The following CACNA1E variants were observed in gnomAD, a reference collection of about 807,000 sequenced individuals.
The protein encoded by CACNA1E is calcium voltage-gated channel subunit alpha1 E.
CACNA1E carries 40 observed loss-of-function variants against 259.2 expected under a neutral mutation model. The observed-to-expected ratio is 0.15, with a 90% confidence interval of 0.12 to 0.20. CACNA1E has a LOEUF of 0.20. Ranked by LOEUF, CACNA1E falls within the 10% of genes least tolerant of loss-of-function variation. The probability of loss-of-function intolerance (pLI) is 1.00; values close to 1 mark genes in which losing one functional copy is unlikely to be tolerated. For synonymous variants in CACNA1E, 1,104 were observed against 1,138.5 expected (o/e 0.97, Z 0.61); for missense variants, 1,874 against 3,040.1 (o/e 0.62, Z 9.02).
intron 2 of CACNA1E, among the ~76,000 whole-genome samples, chr1:181,437,921 T>G (rs1660198009): frequency 6.6e-6 from 1 of 152,242 alleles, no homozygotes; most frequent in African/African-American, 2.4e-5. Context: ...GAAATCCAGC[T>G]GTTCCCTTGA....
intron 3 of CACNA1E, among the ~76,000 whole-genome samples, chr1:181,537,106 T>C (rs1457542380): frequency 1.6e-5 from 2 of 123,388 alleles, no homozygotes; most frequent in African/African-American, 2.9e-5. Context: ...TTTTTTTTTT[T>C]TTTTTTTTTT....
intron 6 of CACNA1E, among the ~76,000 whole-genome samples, chr1:181,611,915 G>A (rs1035570497): frequency 6.6e-6 from 1 of 152,102 alleles, no homozygotes; most frequent in African/African-American, 2.4e-5. Context: ...TTCTAGTTGA[G>A]AATAAACTTT....
intron 7 of CACNA1E, among the ~76,000 whole-genome samples, chr1:181,690,992 C>A (rs1651095494): frequency 6.6e-6 from 1 of 151,952 alleles, no homozygotes. Context: ...CTTTTATATG[C>A]ATTGTGCTCA....
intron 3 of CACNA1E, among the ~76,000 whole-genome samples, chr1:181,574,078 A>G (rs2102950365): frequency 6.6e-6 from 1 of 152,320 alleles, no homozygotes; most frequent in South Asian, 2.1e-4. Flanking sequence ...CTGAATGATG[A>G]GAACACATGG....
intron 1 of CACNA1E, among the ~76,000 whole-genome samples, chr1:181,391,498 T>C (rs1318900396): frequency 6.6e-6 from 1 of 151,792 alleles, no homozygotes; most frequent in African/African-American, 2.4e-5. Context: ...CCATGGTGAG[T>C]CCTGCCTGGG....
chr1:181,719,709 C>G (rs1201291046), intron 12 of CACNA1E, 42 bp from the exon 13 acceptor site: 2 of 1,131,040 alleles, frequency 1.8e-6, no homozygotes, highest in African/African-American at 3.1e-5. Context: ...CCCTCTTCTC[C>G]TCTTCCTCCT....
chr1:181,616,570 T>A (rs1655231157), intron 6 of CACNA1E, among the ~76,000 whole-genome samples: 1 of 152,040 alleles, frequency 6.6e-6, no homozygotes, highest in African/African-American at 2.4e-5. Context: ...GAAAATTAGC[T>A]GGGTGTGGTG....
Position 181,737,530 on chromosome 1 carries a change from G to A in CACNA1E, c.3428G>A (p.Arg1143Gln), listed in dbSNP as rs1656159227. The stretch of plus-strand genomic sequence containing the variant: ...GCCATGCCCACTGCCCGCAGGATCC[G>A]GAGGGCCTGCCACTACATCGTGAAC... ...MFIFSTTNPIRRACHYIVNLR... is the reference protein window; with the variant it reads ...MFIFSTTNPIQRACHYIVNLR... Residue 1143 changes from arginine to glutamine, a missense_variant, in exon 23 of 48, where the codon CGG (arginine) becomes CAG (glutamine). Arg to Gln is a conservative substitution (Grantham distance 43). This residue lies in a region of CACNA1E where 56 missense variants were observed against 97.4 expected (regional missense o/e 0.57). Coordinates refer to ENST00000367573, the MANE Select transcript of CACNA1E (RefSeq NM_001205293.3). The A allele has an allele frequency of 1.2e-6, 2 of 1,613,806 alleles. No homozygotes were observed. The highest frequency in any genetic ancestry group is 1.7e-6 in the Non-Finnish European group (2 of 1,179,762).
intron 6 of CACNA1E, among the ~76,000 whole-genome samples, chr1:181,583,103 T>TAC (rs34193608): frequency 0.24 from 34,816 of 144,606 alleles, 4,067 homozygotes; most frequent in Middle Eastern, 0.28. Context: ...GGACTGTTCC[T>TAC]ACACACACAC....
intron 1 of CACNA1E, among the ~76,000 whole-genome samples, chr1:181,399,187 A>G (rs2102072384): frequency 6.6e-6 from 1 of 151,120 alleles, no homozygotes; most frequent in South Asian, 2.1e-4. Context: ...AGTTACAATT[A>G]GCTTTTCACA....
chr1:181,578,242 AT>A (rs752652797), intron 4 of CACNA1E, among the ~76,000 whole-genome samples: 1 of 152,160 alleles, frequency 6.6e-6, no homozygotes, highest in Non-Finnish European at 1.5e-5. Flanking sequence ...TGAAATAAGT[AT>A]TTTATTTTCC....
intron 32 of CACNA1E, among the ~76,000 whole-genome samples, chr1:181,761,958 G>A (rs1658617708): frequency 6.6e-6 from 1 of 152,188 alleles, no homozygotes; most frequent in Admixed American, 6.5e-5. Flanking sequence ...GAAAGATGAA[G>A]TCTATTTATC....
intron 1 of CACNA1E, among the ~76,000 whole-genome samples, chr1:181,390,640 G>T (rs187918478): frequency 1.3e-5 from 2 of 152,246 alleles, no homozygotes; most frequent in East Asian, 1.9e-4. Flanking sequence ...GTAGTACGAG[G>T]CTTGAGCCTG....
chr1:181,546,711 G>T (rs1172826123), intron 3 of CACNA1E, among the ~76,000 whole-genome samples: 2 of 152,200 alleles, frequency 1.3e-5, no homozygotes, highest in Non-Finnish European at 2.9e-5. Context: ...CGTGCAGACA[G>T]TGCACATTCA....
chr1:181,757,873 G>C (rs904214182), intron 30 of CACNA1E, 74 bp from the exon 31 acceptor site: 1 of 1,516,100 alleles, frequency 6.6e-7, no homozygotes, highest in African/African-American at 1.4e-5. Context: ...CTCCTCTTCT[G>C]AGCATGGAAC....
intron 6 of CACNA1E, among the ~76,000 whole-genome samples, chr1:181,638,157 C>A (rs138251673): frequency 6.6e-6 from 1 of 152,208 alleles, no homozygotes; most frequent in South Asian, 2.1e-4. Flanking sequence ...ATCACTTGCC[C>A]CACTTTACAA....
chr1:181,448,740 A>T (rs1299809062), intron 2 of CACNA1E, among the ~76,000 whole-genome samples: 2 of 152,196 alleles, frequency 1.3e-5, no homozygotes, highest in Non-Finnish European at 2.9e-5. Context: ...AAGTCAACTA[A>T]GTGGCTTAAA....
In CACNA1E at chr1:181,801,408, G is replaced by T. The variant is rs958827033; in HGVS notation, c.*2574G>T. On this transcript the variant is annotated 3_prime_UTR_variant, in exon 48 of 48. Coordinates refer to ENST00000367573, the MANE Select transcript of CACNA1E (RefSeq NM_001205293.3). ...CAGGTATTTGAGTCCTGAATAAAGT[G>T]TTGGAAAGCACTGCAGATGCGGTCA... The T allele has an allele frequency of 2.0e-5, 3 of 152,258 alleles. No individual in the cohort carries two copies. Among genetic ancestry groups the T allele is most frequent in the African/African-American group, 7.2e-5 (3 of 41,462 alleles). The allele number at this position is 152,258 out of a possible 1,614,324, so 9.4% of individuals were successfully genotyped here. A position where few individuals can be genotyped will look rare whatever the true frequency, so the allele number is the denominator to read the frequency against.
chr1:181,351,449 A>G (rs1376280590), intron 1 of CACNA1E, among the ~76,000 whole-genome samples: 1 of 152,222 alleles, frequency 6.6e-6, no homozygotes, highest in Non-Finnish European at 1.5e-5. Flanking sequence ...GTATGGAGAT[A>G]AAGTGATTTG....
Sources: allele counts gnomAD v4.1 joint callset (sites outside exome capture counted in the v4.1 genomes callset), GRCh38; gene constraint gnomAD v4.1.1; regional missense constraint gnomAD v4.1.1; transcripts MANE v1.5; gene names NCBI Gene and HGNC (gene_info 2026-07-23, HGNC 2026-07-21).